The following SGCZ variants were observed in gnomAD, a reference collection of about 807,000 sequenced individuals.
SGCZ encodes sarcoglycan zeta.
In SGCZ, 40 loss-of-function variants were observed where a neutral mutation model predicts 41.3. That is an observed-to-expected ratio of 0.97 (90% confidence interval 0.75 to 1.26). The LOEUF (loss-of-function observed/expected upper bound fraction) is 1.26, where lower values mean the gene tolerates loss of function less well. Ranked by LOEUF, SGCZ falls within the 50% of genes most tolerant of loss-of-function variation. The probability of loss-of-function intolerance (pLI) is 0.00; values close to 1 mark genes in which losing one functional copy is unlikely to be tolerated. For synonymous variants in SGCZ, 206 were observed against 137.5 expected, an observed-to-expected ratio of 1.50 and a Z score of -3.49; for missense variants, 552 against 369.8, an observed-to-expected ratio of 1.49 and a Z score of -4.04.
At chr8:14,225,394 G>A (rs930407071) in intron 4 of SGCZ, among the ~76,000 whole-genome samples, 6 of 152,038 alleles carry the variant, frequency 3.9e-5, no homozygotes, top group Non-Finnish European at 8.8e-5. Context: ...AAATATTAGT[G>A]TTGAAAATAC....
intron 2 of SGCZ, among the ~76,000 whole-genome samples, chr8:14,431,196 A>T (rs980989900): frequency 2.0e-5 from 3 of 152,180 alleles, no homozygotes; most frequent in African/African-American, 7.2e-5. Flanking sequence ...CAATCCTAAA[A>T]TTCATATGGA....
chr8:14,527,210 C>A (rs963813716), intron 2 of SGCZ, among the ~76,000 whole-genome samples: 1 of 152,250 alleles, frequency 6.6e-6, no homozygotes, highest in Middle Eastern at 3.4e-3. Context: ...TAATATGAAA[C>A]AAGCTTCAGT....
At chr8:14,916,694 T>C (rs1799447985) in intron 1 of SGCZ, among the ~76,000 whole-genome samples, 1 of 152,214 alleles carries the variant, frequency 6.6e-6, no homozygotes, top group Admixed American at 6.5e-5. Flanking sequence ...GTTTTCACTT[T>C]GTCAATCTAG....
At chr8:15,210,738 C>T (rs971197229) in intron 1 of SGCZ, among the ~76,000 whole-genome samples, 2 of 152,120 alleles carry the variant, frequency 1.3e-5, no homozygotes, top group African/African-American at 4.8e-5. Flanking sequence ...ACGTCCACAC[C>T]AGCGCCCATG....
chr8:15,211,293 A>G (rs1801231327), intron 1 of SGCZ, among the ~76,000 whole-genome samples: 1 of 150,976 alleles, frequency 6.6e-6, no homozygotes, highest in Admixed American at 6.6e-5. Flanking sequence ...AAAAAAAAAA[A>G]GTCCTTTACT....
intron 2 of SGCZ, among the ~76,000 whole-genome samples, chr8:14,376,652 G>A (rs1478544009): frequency 6.6e-6 from 1 of 152,030 alleles, no homozygotes; most frequent in African/African-American, 2.4e-5. Flanking sequence ...TAAAAAAAAG[G>A]AGAGAAAATT....
intron 1 of SGCZ, among the ~76,000 whole-genome samples, chr8:14,922,548 G>A (rs886539434): frequency 6.6e-5 from 10 of 151,708 alleles, no homozygotes; most frequent in Non-Finnish European, 1.5e-5. Context: ...TCTGCCTCCC[G>A]GGTTCAAGCT....
chr8:14,832,184 T>C (rs1802556335), intron 1 of SGCZ, among the ~76,000 whole-genome samples: 1 of 152,212 alleles, frequency 6.6e-6, no homozygotes, highest in African/African-American at 2.4e-5. Flanking sequence ...CATTAATTCT[T>C]TTATTTAGAA....
intron 1 of SGCZ, among the ~76,000 whole-genome samples, chr8:15,022,862 T>C (rs368462942): frequency 2.0e-5 from 3 of 152,360 alleles, no homozygotes; most frequent in East Asian, 3.9e-4. Flanking sequence ...CTACATTTCA[T>C]AGATAAAGAC....
chr8:14,333,215 T>A (rs1001368422), intron 2 of SGCZ, among the ~76,000 whole-genome samples: 6 of 152,032 alleles, frequency 3.9e-5, no homozygotes, highest in African/African-American at 1.4e-4. Flanking sequence ...TCAGTGGTTG[T>A]GGGAGAGACT....
At chr8:15,029,391 G>C (rs1210356754) in intron 1 of SGCZ, among the ~76,000 whole-genome samples, 1 of 151,916 alleles carries the variant, frequency 6.6e-6, no homozygotes, top group African/African-American at 2.4e-5. Context: ...ATTTTTCTGT[G>C]GACTTTTTAC....
chr8:15,150,042 A>G (rs1799135830), intron 1 of SGCZ, among the ~76,000 whole-genome samples: 2 of 152,152 alleles, frequency 1.3e-5, no homozygotes, highest in South Asian at 4.1e-4. Flanking sequence ...GCTGTCAAAC[A>G]GCCACCTGTG....
intron 1 of SGCZ, among the ~76,000 whole-genome samples, chr8:14,831,940 T>C (rs1802548322): frequency 6.6e-6 from 1 of 152,076 alleles, no homozygotes; most frequent in African/African-American, 2.4e-5. Context: ...TAATTCCTGA[T>C]TGATTTAATG....
intron 3 of SGCZ, among the ~76,000 whole-genome samples, chr8:14,261,425 G>A (rs1430164224): frequency 6.6e-6 from 1 of 152,128 alleles, no homozygotes; most frequent in African/African-American, 2.4e-5. Flanking sequence ...TTACCGTAGT[G>A]TAAATATTTC....
chr8:14,579,979 G>C (rs1248369532), intron 1 of SGCZ, among the ~76,000 whole-genome samples: 2 of 152,192 alleles, frequency 1.3e-5, no homozygotes, highest in Non-Finnish European at 2.9e-5. Flanking sequence ...CTGCTGAAAT[G>C]ATTTAAGGAG....
intron 2 of SGCZ, among the ~76,000 whole-genome samples, chr8:14,548,468 T>A (rs1033150448): frequency 6.6e-6 from 1 of 152,124 alleles, no homozygotes; most frequent in South Asian, 2.1e-4. Flanking sequence ...ACATCCTGAT[T>A]TAGTTGTGGG....
In SGCZ at chr8:14,087,910, T is replaced by C. The variant is rs1801571117; in HGVS notation, c.*2533A>G. On this transcript the variant is annotated 3_prime_UTR_variant, in exon 8 of 8. Transcript: ENST00000382080. Reference sequence around the variant, plus strand: ...TAGGAAAGCCATCGCTATCACTATATTTTCTACTGTACTGAACCGATTTGT... The same window carrying C: ...TAGGAAAGCCATCGCTATCACTATACTTTCTACTGTACTGAACCGATTTGT... Among the ~76,000 whole-genome samples, 1 of 151,692 alleles carries C rather than the reference T, an allele frequency of 6.6e-6. No homozygotes were observed. Among genetic ancestry groups the C allele is most frequent in the African/African-American group, 2.4e-5 (1 of 41,384 alleles).
At chr8:14,390,671 C>A (rs1804738471) in intron 2 of SGCZ, among the ~76,000 whole-genome samples, 1 of 151,798 alleles carries the variant, frequency 6.6e-6, no homozygotes, top group Non-Finnish European at 1.5e-5. Context: ...TAGGTTGACA[C>A]AAAGTGCACC....
chr8:14,555,588 T>G (rs925404350), intron 1 of SGCZ, among the ~76,000 whole-genome samples: 2 of 152,050 alleles, frequency 1.3e-5, no homozygotes, highest in Non-Finnish European at 2.9e-5. Context: ...AAACCTCTTT[T>G]CTTTGTCAAT....
Sources: gnomAD v4.1 joint callset for allele counts (sites outside exome capture counted in the v4.1 genomes callset) on GRCh38, gnomAD v4.1.1 for gene constraint, MANE v1.5 for transcripts, NCBI Gene and HGNC (gene_info 2026-07-23, HGNC 2026-07-21) for gene names.